Variants in CSMD1 observed in about 807,000 individuals in gnomAD.
CSMD1 encodes CUB and sushi domain-containing protein 1.
In CSMD1, 213 loss-of-function variants were observed where a neutral mutation model predicts 417.5. That is an observed-to-expected ratio of 0.51 (90% CI 0.46 to 0.57). CSMD1 has a LOEUF of 0.57. CSMD1 is among the 20% of genes least tolerant of loss of function. The pLI is 0.00. For missense variants in CSMD1, 6,923 were observed against 4,529.7 expected (o/e 1.53, Z -15.17); for synonymous variants, 2,862 against 1,736.8 (o/e 1.65, Z -16.11).
chr8:3,511,511 T>G (rs1330270366), intron 10 of CSMD1, among the ~76,000 whole-genome samples: 5 of 151,646 alleles, frequency 3.3e-5, no homozygotes, highest in Non-Finnish European at 7.4e-5. Flanking sequence ...TCCCTGCACT[T>G]TGGGAGGCCG....
intron 2 of CSMD1, among the ~76,000 whole-genome samples, chr8:4,552,591 G>T (rs150327531): frequency 8.5e-5 from 13 of 152,142 alleles, no homozygotes; most frequent in Admixed American, 3.9e-4. Flanking sequence ...TCCTGAAATG[G>T]ACTTCTGGAA....
At chr8:4,632,751 T>C (rs1280079799) in intron 2 of CSMD1, among the ~76,000 whole-genome samples, 1 of 151,880 alleles carries the variant, frequency 6.6e-6, no homozygotes, top group Non-Finnish European at 1.5e-5. Flanking sequence ...ACAAAGAAAA[T>C]GTACGTGGGT....
rs1236617735 is a variant in CSMD1 at position 4,222,835 on chromosome 8, G to C, written c.416-190736C>G. Among the ~76,000 whole-genome samples the C allele has an allele frequency of 4.6e-5, 7 of 152,078 alleles. No individual in the cohort carries two copies. The East Asian group carries it at 1.4e-3, about 29-fold the overall frequency. On this transcript the variant is annotated intron_variant, in intron 3 of 69. Transcript: ENST00000635120. ...GGATTTTGCCAGACTAAGAGTCGCT[G>C]AAAATACCATGAGGACAATTAATTT...
intron 4 of CSMD1, among the ~76,000 whole-genome samples, chr8:4,016,308 T>C (rs909522934): frequency 5.3e-5 from 8 of 152,130 alleles, no homozygotes; most frequent in South Asian, 2.1e-4. Context: ...AGAAAATAAA[T>C]GGGGAATAAT....
intron 7 of CSMD1, among the ~76,000 whole-genome samples, chr8:3,634,716 C>T (rs920465218): frequency 6.6e-6 from 1 of 152,166 alleles, no homozygotes. Context: ...GTGCTGCCTA[C>T]TCAGCCTTTC....
chr8:3,376,847 T>C (rs1359832717), intron 18 of CSMD1, among the ~76,000 whole-genome samples: 1 of 152,208 alleles, frequency 6.6e-6, no homozygotes, highest in East Asian at 1.9e-4. Context: ...ATATCCTACT[T>C]ATGTAACTTT....
intron 3 of CSMD1, among the ~76,000 whole-genome samples, chr8:4,140,730 C>T (rs13260613): frequency 0.3 from 45,068 of 150,214 alleles, 8,419 homozygotes; most frequent in Non-Finnish European, 0.39. Flanking sequence ...ATCTGTAAGT[C>T]TTCCCCACTC....
At chr8:4,673,769 C>T (rs1439560690) in intron 1 of CSMD1, among the ~76,000 whole-genome samples, 1 of 152,092 alleles carries the variant, frequency 6.6e-6, no homozygotes, top group Admixed American at 6.5e-5. Flanking sequence ...AAAGGTCACA[C>T]ATTGTATGAT....
intron 51 of CSMD1, among the ~76,000 whole-genome samples, chr8:3,020,596 A>T (rs183929075): frequency 2.2e-4 from 33 of 152,012 alleles, no homozygotes; most frequent in Non-Finnish European, 3.8e-4. Context: ...CTTGTCTGGA[A>T]CTCCTGGGCT....
In CSMD1 at chr8:3,932,364, T is replaced by C. The variant is rs543777641; in HGVS notation, c.818+65539A>G. Among the ~76,000 whole-genome samples, 49 of 150,756 alleles carry C rather than the reference T, an allele frequency of 3.3e-4. No homozygotes were observed. In the South Asian group the frequency reaches 9.4e-3, roughly 29 times the overall value. ...TATTCTGCGACTAGAGGAATGAATA[T>C]AGGCACTTGGGTGTTTTGCTATGCC... On this transcript the variant is annotated intron_variant, in intron 5 of 69. Coordinates refer to ENST00000635120, the MANE Select transcript of CSMD1 (RefSeq NM_033225.6).
chr8:4,744,926 T>A (rs1260230861), intron 1 of CSMD1, among the ~76,000 whole-genome samples: 1 of 152,120 alleles, frequency 6.6e-6, no homozygotes, highest in Admixed American at 6.6e-5. Flanking sequence ...AAAATCCAAA[T>A]CAACATTTTA....
chr8:3,323,510 G>C (rs1199210566), intron 23 of CSMD1, among the ~76,000 whole-genome samples: 1 of 152,132 alleles, frequency 6.6e-6, no homozygotes, highest in Non-Finnish European at 1.5e-5. Flanking sequence ...TTTAGAAGGA[G>C]TTAAAAGGGA....
intron 1 of CSMD1, among the ~76,000 whole-genome samples, chr8:4,888,848 T>C (rs1803922220): frequency 6.6e-6 from 1 of 152,136 alleles, no homozygotes; most frequent in Non-Finnish European, 1.5e-5. Flanking sequence ...TGGGAGATTT[T>C]CAGCAACAAA....
At chr8:4,419,144 G>A (rs747899462) in intron 3 of CSMD1, among the ~76,000 whole-genome samples, 1 of 151,606 alleles carries the variant, frequency 6.6e-6, no homozygotes, top group Non-Finnish European at 1.5e-5. Flanking sequence ...AACAGTGTGT[G>A]TTGTAAATAG....
intron 1 of CSMD1, among the ~76,000 whole-genome samples, chr8:4,990,688 G>A (rs951372766): frequency 5.9e-5 from 9 of 152,072 alleles, no homozygotes; most frequent in Non-Finnish European, 1.2e-4. Context: ...GGGGATTAGG[G>A]GTTTCCTGCG....
chr8:3,308,533 G>A (rs762027503), intron 23 of CSMD1, 30 bp from the exon 24 acceptor site: 4 of 1,566,420 alleles, frequency 2.6e-6, no homozygotes, highest in Non-Finnish European at 3.5e-6. Flanking sequence ...GGAATGAACA[G>A]AACTCAAGGG....
chr8:4,231,860 G>C (rs1018131585), intron 3 of CSMD1, among the ~76,000 whole-genome samples: 2 of 152,158 alleles, frequency 1.3e-5, no homozygotes, highest in South Asian at 4.1e-4. Flanking sequence ...ATATGATAAA[G>C]GATCAAACAC....
intron 49 of CSMD1, among the ~76,000 whole-genome samples, chr8:3,074,480 G>C (rs1199101921): frequency 6.6e-6 from 1 of 152,186 alleles, no homozygotes; most frequent in Non-Finnish European, 1.5e-5. Context: ...CTCAAACATA[G>C]AAGCTTCCAG....
intron 2 of CSMD1, among the ~76,000 whole-genome samples, chr8:4,613,860 CAAA>C (rs60679775): frequency 3.2e-5 from 4 of 123,646 alleles, no homozygotes; most frequent in Non-Finnish European, 1.8e-5. Flanking sequence ...TGTCTAATGC[CAAA>C]AAAAAAAAAA....
Sources: allele counts gnomAD v4.1 joint callset (sites outside exome capture counted in the v4.1 genomes callset), GRCh38; gene constraint gnomAD v4.1.1; transcripts MANE v1.5; gene names NCBI Gene and HGNC (gene_info 2026-07-23, HGNC 2026-07-21).